The following RAD18 variants were observed in gnomAD, a reference collection of about 807,000 sequenced individuals.
The protein encoded by RAD18 is RAD18 E3 ubiquitin protein ligase.
A neutral mutation model predicts 60.4 loss-of-function variants in RAD18; 47 were observed. The ratio of observed to expected loss-of-function variants is 0.78; its 90% CI spans 0.62 to 0.99. The LOEUF (loss-of-function observed/expected upper bound fraction) is 0.99. Ranked by LOEUF, RAD18 falls within the 50% of genes least tolerant of loss-of-function variation. The pLI is 0.00. For synonymous variants in RAD18, 225 were observed against 195.5 expected (o/e 1.15, Z -1.26); for missense variants, 640 against 593.3 (o/e 1.08, Z -0.82).
rs9859432 is a variant in RAD18, at chr3:8,903,370, T to C, written c.1028-850A>G. ...CTAAGAGTATTTGCTGAATCTAAAA[T>C]AGAAGCTTCTAGGAAAGTTGAATCA... On this transcript the variant is annotated intron_variant, in intron 9 of 12. Coordinates refer to ENST00000264926, the MANE Select transcript of RAD18 (RefSeq NM_020165.4). Among the ~76,000 whole-genome samples the C allele has an allele frequency of 2.9e-3, 447 of 151,778 alleles. 2 individuals carry two copies. The highest frequency in any genetic ancestry group is 9.3e-3 in the African/African-American group (384 of 41,158).
At chr3:8,884,072 G>C (rs1315550822) in intron 12 of RAD18, among the ~76,000 whole-genome samples, 1 of 152,162 alleles carries the variant, frequency 6.6e-6, no homozygotes, top group African/African-American at 2.4e-5. Flanking sequence ...AATTCTCTGG[G>C]AATGTGGCTT....
chr3:8,951,688 C>T (rs9653984), intron 2 of RAD18, among the ~76,000 whole-genome samples: 42,575 of 152,110 alleles, frequency 0.28, 9,739 homozygotes, highest in African/African-American at 0.64. Context: ...TAAAAATGCA[C>T]GCTTATGAAT....
chr3:8,920,813 A>G (rs942715084), intron 7 of RAD18, among the ~76,000 whole-genome samples: 6 of 152,242 alleles, frequency 3.9e-5, no homozygotes, highest in African/African-American at 1.4e-4. Flanking sequence ...GAATTATTCT[A>G]GATTGAAAGA....
At chr3:8,947,997 TTTAA>T (rs1940863356) in intron 3 of RAD18, among the ~76,000 whole-genome samples, 2 of 152,214 alleles carry the variant, frequency 1.3e-5, no homozygotes, top group African/African-American at 4.8e-5. Flanking sequence ...CCCACTTATG[TTTAA>T]TTACCCTTTT....
At chr3:8,938,099 T>C (rs939915614) in intron 6 of RAD18, among the ~76,000 whole-genome samples, 5 of 152,180 alleles carry the variant, frequency 3.3e-5, no homozygotes, top group Non-Finnish European at 5.9e-5. Flanking sequence ...AAGCAGTTCA[T>C]CAAACTCTCG....
chr3:8,888,166 G>C (rs1047223281), intron 12 of RAD18, among the ~76,000 whole-genome samples: 1 of 152,132 alleles, frequency 6.6e-6, no homozygotes, highest in Non-Finnish European at 1.5e-5. Flanking sequence ...TCCTGACCAC[G>C]CTAGCGTCTT....
intron 7 of RAD18, among the ~76,000 whole-genome samples, chr3:8,924,969 AAATT>A: frequency 6.6e-6 from 1 of 152,208 alleles, no homozygotes; most frequent in Non-Finnish European, 1.5e-5. Context: ...GAAAGATCTA[AAATT>A]GACATCCTAA....
intron 1 of RAD18, among the ~76,000 whole-genome samples, chr3:8,961,587 G>T (rs375472692): frequency 1.4e-4 from 21 of 152,226 alleles, no homozygotes; most frequent in East Asian, 5.8e-4. Context: ...TCTGGGATCT[G>T]ATAGTTCTTT....
chr3:8,948,444 G>A (rs545453801), intron 3 of RAD18, 65 bp downstream of exon 3: 55 of 1,386,790 alleles, frequency 4.0e-5, no homozygotes, highest in African/African-American at 1.9e-4. Flanking sequence ...AGGCTTTTAC[G>A]TATACACAAA....
chr3:8,892,087 T>G (rs1229052084), intron 11 of RAD18, among the ~76,000 whole-genome samples: 1 of 152,234 alleles, frequency 6.6e-6, no homozygotes, highest in African/African-American at 2.4e-5. Context: ...CAAAAATTCC[T>G]TTAACATTCT....
At chr3:8,906,797 T>TTG (rs1363091950) in intron 9 of RAD18, among the ~76,000 whole-genome samples, 1 of 150,554 alleles carries the variant, frequency 6.6e-6, no homozygotes, top group South Asian at 2.1e-4. Context: ...GGAAACAGTT[T>TTG]TTTTTTTTTT....
chr3:8,929,323 A>G (rs1401025012), intron 7 of RAD18, among the ~76,000 whole-genome samples: 3 of 152,258 alleles, frequency 2.0e-5, no homozygotes, highest in Middle Eastern at 3.4e-3. Flanking sequence ...GAAAAACGAG[A>G]AAAATTAATA....
intron 7 of RAD18, among the ~76,000 whole-genome samples, chr3:8,915,255 T>C (rs1473265797): frequency 1.3e-5 from 2 of 151,894 alleles, no homozygotes; most frequent in African/African-American, 4.8e-5. Context: ...GAGCTATAAA[T>C]AATGTCACTC....
chr3:8,944,143 ATAAT>A (rs1245050367), intron 4 of RAD18, among the ~76,000 whole-genome samples: 1 of 152,226 alleles, frequency 6.6e-6, no homozygotes, highest in African/African-American at 2.4e-5. Context: ...TATAAAGAAG[ATAAT>A]TAGAGGATAT....
chr3:8,938,628 C>T (rs1365840738), intron 6 of RAD18, among the ~76,000 whole-genome samples: 1 of 152,144 alleles, frequency 6.6e-6, no homozygotes, highest in Non-Finnish European at 1.5e-5. Flanking sequence ...TCAAGGATAA[C>T]CTCATTACTG....
chr3:8,910,931 T>C (rs1027502389), intron 9 of RAD18, among the ~76,000 whole-genome samples: 1 of 152,018 alleles, frequency 6.6e-6, no homozygotes, highest in Non-Finnish European at 1.5e-5. Flanking sequence ...CTCTAGGGAA[T>C]GGGAATAGAG....
In RAD18 at chr3:8,941,515, T is replaced by G. The variant is rs772884500; in HGVS notation, c.556A>C (p.Lys186Gln). The G allele has an allele frequency of 6.2e-7, 1 of 1,613,976 alleles. No individual in the cohort carries two copies. The change falls in exon 5 of 13, where the codon AAG (lysine) becomes CAG (glutamine). Residue 186 changes from lysine (K) to glutamine (Q), a missense_variant. Lys to Gln is a moderately conservative substitution (Grantham distance 53). Coordinates refer to ENST00000264926, the MANE Select transcript of RAD18 (RefSeq NM_020165.4). ...GATGTCGAGGGTGGCTCAGGACGCT[T>G]AGCCTCTGAGGGATCTGGAGCGATC... is the stretch of plus-strand genomic sequence containing the variant. ...EEIAPDPSEA[K>Q]RPEPPSTSTL...
chr3:8,929,665 G>A (rs558259914), intron 7 of RAD18, among the ~76,000 whole-genome samples: 7 of 149,580 alleles, frequency 4.7e-5, no homozygotes, highest in South Asian at 4.2e-4. Context: ...TTTTTGAGAC[G>A]GAGTCTCACT....
At chr3:8,928,049 T>TAAAAAAAAA (rs58756851) in intron 7 of RAD18, among the ~76,000 whole-genome samples, 1 of 121,732 alleles carries the variant, frequency 8.2e-6, no homozygotes. Context: ...CCCTAAAACT[T>TAAAAAAAAA]AAAAAAAAAA....
Sources: allele counts gnomAD v4.1 joint callset (sites outside exome capture counted in the v4.1 genomes callset), GRCh38; gene constraint gnomAD v4.1.1; transcripts MANE v1.5; gene names NCBI Gene and HGNC (gene_info 2026-07-23, HGNC 2026-07-21).